The following ZNF394 variants were observed in gnomAD, a reference collection of about 807,000 sequenced individuals.
ZNF394 encodes zinc finger protein 99.
In ZNF394, 19 loss-of-function variants were observed where a neutral mutation model predicts 21.8. That is an observed-to-expected ratio of 0.87 (90% confidence interval 0.61 to 1.28). The LOEUF (loss-of-function observed/expected upper bound fraction) is 1.28, where lower values mean the gene tolerates loss of function less well. ZNF394 is among the 50% of genes most tolerant of loss of function. The pLI, the probability that ZNF394 is intolerant of heterozygous loss-of-function variation, is 0.00. For synonymous variants in ZNF394, 294 were observed against 273.3 expected (o/e 1.08, Z -0.75); for missense variants, 683 against 708.6 (o/e 0.96, Z 0.41).
exon 2 of ZNF394, chr7:99,486,597 A>G: frequency 6.2e-7 from 1 of 1,614,244 alleles, no homozygotes; most frequent in South Asian, 1.1e-5. Context: ...CAGAAAAGTT[A>G]CATAAGTGTA....
intron 1 of ZNF394, chr7:99,487,525 T>C (rs1800039501): frequency 1.9e-6 from 3 of 1,570,660 alleles, no homozygotes; most frequent in Non-Finnish European, 2.6e-6. Flanking sequence ...AACTAGAACT[T>C]ATAAACCTCT....
intron 2 of ZNF394, chr7:99,498,183 G>A (rs923714499): frequency 6.5e-6 from 1 of 152,796 alleles, no homozygotes; most frequent in African/African-American, 2.4e-5. Context: ...TCTGGACCGT[G>A]AAATAGGTAG....
Position 99,500,010 on chromosome 7 carries a change from C to G in ZNF394, c.84G>C (p.Ala28=). 1 of 1,609,422 alleles carries G rather than the reference C, an allele frequency of 6.2e-7. No homozygotes were observed. The highest frequency in any genetic ancestry group is 8.5e-7 in the Non-Finnish European group (1 of 1,179,488). ...AAAGTCCGTCGCGTTGGGACGGCGC[C>G]GCGTCCTTGGACCTCGCAGCCATCA... The part of the protein sequence containing the change: ...PWVMAARSKD[A]APSQRDGLLP... The change falls in exon 1 of 3, where the codon GCG becomes GCC. Residue 28 remains alanine, a synonymous_variant. Coordinates refer to ENST00000337673, the MANE Select transcript of ZNF394 (RefSeq NM_032164.4).
intron 2 of ZNF394, among the ~76,000 whole-genome samples, chr7:99,497,131 T>C (rs1029961046): frequency 7.6e-6 from 1 of 131,646 alleles, no homozygotes; most frequent in African/African-American, 3.4e-5. Flanking sequence ...TGTATATATA[T>C]ATATATATAT....
rs938728584 is a variant in ZNF394, at chr7:99,493,936, A to C, written c.1279T>G (p.Ser427Ala). 1 of 1,614,106 alleles carries C rather than the reference A, an allele frequency of 6.2e-7. No individual in the cohort carries two copies. The highest frequency in any genetic ancestry group is 8.5e-7 in the Non-Finnish European group (1 of 1,180,052). ...GTACTTTGATGACGATTTAGGTGTG[A>C]ATTCTGCCTGAAGCGCTCCCCACAT... ...LKCGERFRQN[S>A]HLNRHQSTHS... The change falls in exon 3 of 3, where the codon TCA becomes GCA. Residue 427 changes from serine (S) to alanine (A), a missense_variant. This residue lies in a region of ZNF394 where 274 missense variants were observed against 314.1 expected (regional missense o/e 0.87). Coordinates refer to ENST00000337673, the MANE Select transcript of ZNF394 (RefSeq NM_032164.4).
exon 2 of ZNF394, chr7:99,486,711 A>G: frequency 6.2e-7 from 1 of 1,614,236 alleles, no homozygotes; most frequent in Non-Finnish European, 8.5e-7. Context: ...AGAATGCGCA[A>G]ACAAGGTGGA....
At chr7:99,489,517 G>A (rs1458006572), downstream of ZNF394, among the ~76,000 whole-genome samples, 1 of 152,092 alleles carries the variant, frequency 6.6e-6, no homozygotes, top group Non-Finnish European at 1.5e-5. Flanking sequence ...TCTGAAGCAT[G>A]TGTTTTAGTT....
downstream of ZNF394, among the ~76,000 whole-genome samples, chr7:99,492,075 GAAAAAAA>G (rs397948314): frequency 8.2e-4 from 39 of 47,708 alleles, no homozygotes; most frequent in South Asian, 8.0e-3. Flanking sequence ...TCCGTCTCAA[GAAAAAAA>G]AAAAAAAAAA....
At chr7:99,490,808 A>G (rs897183779), downstream of ZNF394, among the ~76,000 whole-genome samples, 2 of 152,010 alleles carry the variant, frequency 1.3e-5, no homozygotes, top group Non-Finnish European at 2.9e-5. Flanking sequence ...AGACTCAGCC[A>G]TAGAAAATGA....
downstream of ZNF394, among the ~76,000 whole-genome samples, chr7:99,489,396 C>G (rs1800112835): frequency 6.6e-6 from 1 of 152,120 alleles, no homozygotes; most frequent in Admixed American, 6.6e-5. Flanking sequence ...CTGACTGTGT[C>G]TGCACCTTGT....
At position 99,500,200 on chromosome 7, in the gene ZNF394, G is replaced by A. The variant is rs1800480285; in HGVS notation, c.-107C>T. ...AACACCCTCCGGTCCCAAACACCGGGCCCCACCACACCAGGCCCCTCTCCA... is the reference window on the plus strand; with the variant it reads ...AACACCCTCCGGTCCCAAACACCGGACCCCACCACACCAGGCCCCTCTCCA... On this transcript the variant is annotated 5_prime_UTR_variant, in exon 1 of 3. Transcript: ENST00000337673. 4.4e-6 allele frequency: 5 copies of A among 1,136,012 alleles called. No homozygotes were observed. Among genetic ancestry groups the A allele is most frequent in the Non-Finnish European group, 4.9e-6 (4 of 824,272 alleles). The allele number at this position is 1,136,012 out of a possible 1,614,324, so 70.4% of individuals were successfully genotyped here. A position where few individuals can be genotyped will look rare whatever the true frequency, so the allele number is the denominator to read the frequency against.
At chr7:99,493,169 T>C (rs973765600), downstream of ZNF394, 14 of 1,024,712 alleles carry the variant, frequency 1.4e-5, no homozygotes, top group Non-Finnish European at 1.5e-5. Flanking sequence ...AGATCCATAA[T>C]TGACTGATAT....
In ZNF394 at chr7:99,494,016, G is replaced by T. The variant is rs899362645; in HGVS notation, c.1199C>A (p.Ala400Asp). The T allele has an allele frequency of 1.2e-6, 2 of 1,613,996 alleles. No individual in the cohort carries two copies. Among genetic ancestry groups the T allele is most frequent in the Non-Finnish European group, 1.7e-6 (2 of 1,180,042 alleles). The change falls in exon 3 of 3, where the codon GCC becomes GAC. Residue 400 changes from alanine to aspartate, a missense_variant. This residue lies in a region of ZNF394 where 274 missense variants were observed against 314.1 expected (regional missense o/e 0.87). Coordinates refer to ENST00000337673, the MANE Select transcript of ZNF394 (RefSeq NM_032164.4). ...ECGKSFSQSA[A>D]LTKHQRTHTG... is the part of the protein sequence containing the mutation. ...GTGTGTCCTCTGGTGCTTGGTCAGG[G>T]CAGCACTCTGGCTGAAGCTTTTCCC...
rs79916587 is a variant in ZNF394, at chr7:99,488,087, A to C, written n.84-1124T>G. Among the ~76,000 whole-genome samples the C allele has an allele frequency of 4.5e-3, 687 of 151,426 alleles. 10 individuals are homozygous for C. Among genetic ancestry groups the C allele is most frequent in the African/African-American group, 0.015 (631 of 41,200 alleles). On this transcript the variant is annotated intron_variant and non_coding_transcript_variant, in intron 1 of 1. Transcript: ENST00000462024. ...ACTCCGTCTCAAAAAAAAAAAAAAA[A>C]AAAAAACAGAGAAAAGGTTATTAGG...
downstream of ZNF394, among the ~76,000 whole-genome samples, chr7:99,492,092 AAAG>A (rs1800176296): frequency 6.6e-6 from 1 of 151,674 alleles, no homozygotes; most frequent in African/African-American, 2.4e-5. Flanking sequence ...AAAAAAAAAA[AAAG>A]AAATCAGCAA....
In ZNF394 at chr7:99,493,456, C is replaced by T; in HGVS notation, c.*73G>A. On this transcript the variant is annotated 3_prime_UTR_variant, in exon 3 of 3. Coordinates refer to ENST00000337673, the MANE Select transcript of ZNF394 (RefSeq NM_032164.4). ...ATTTTTAGTAGAGACAGGATTTTAC[C>T]ATGTTGGCCAGGCTGGTTTCAAACT... 1.5e-6 allele frequency: 2 copies of T among 1,327,294 alleles called. No individual in the cohort carries two copies. The highest frequency in any genetic ancestry group is 2.1e-6 in the Non-Finnish European group (2 of 969,800). 82.2% of individuals were successfully genotyped at this position (1,327,294 alleles called of 1,614,324 possible).
intron 1 of ZNF394, chr7:99,487,356 G>C (rs780268259): frequency 1.2e-6 from 2 of 1,614,082 alleles, no homozygotes; most frequent in Non-Finnish European, 1.7e-6. Context: ...GTTTTAAGAG[G>C]AATCTTTTTC....
rs1429910306 is a variant in ZNF394 at position 99,493,391 on chromosome 7, G to C, written c.*138C>G. ...CCTACCTCAGCCTCCCGAATAGCTG[G>C]GCTTACAGGCATGCACCACCATGCC... On this transcript the variant is annotated 3_prime_UTR_variant, in exon 3 of 3. Coordinates refer to ENST00000337673, the MANE Select transcript of ZNF394 (RefSeq NM_032164.4). 4.0e-6 allele frequency: 4 copies of C among 1,004,694 alleles called. No homozygotes were observed. The Admixed American group carries it at 9.2e-5, about 23-fold the overall frequency. 62.2% of individuals were successfully genotyped at this position (1,004,694 alleles called of 1,614,324 possible).
intron 2 of ZNF394, chr7:99,498,099 G>A (rs997169778): frequency 6.6e-6 from 1 of 152,226 alleles, no homozygotes; most frequent in Non-Finnish European, 1.5e-5. Flanking sequence ...AGAATGTTCG[G>A]TGCAATGCTG....
Sources: gnomAD v4.1 joint callset for allele counts (sites outside exome capture counted in the v4.1 genomes callset) on GRCh38, gnomAD v4.1.1 for gene constraint, gnomAD v4.1.1 regional missense constraint, MANE v1.5 for transcripts, NCBI Gene and HGNC (gene_info 2026-07-23, HGNC 2026-07-21) for gene names.